Variants in FBXO31 observed in about 807,000 individuals in gnomAD.
FBXO31 encodes F-box only protein 31.
FBXO31 carries 24 observed loss-of-function variants against 54.4 expected under a neutral mutation model. That is an observed-to-expected ratio of 0.44 (90% CI 0.32 to 0.62). The LOEUF (loss-of-function observed/expected upper bound fraction) is 0.62. Among genes scored for constraint, FBXO31 ranks in the 20% least tolerant of loss-of-function variants. FBXO31 has a pLI of 0.05. For missense variants in FBXO31, 665 were observed against 787.1 expected, an observed-to-expected ratio of 0.84 and a Z score of 1.86; for synonymous variants, 388 against 335.6, an observed-to-expected ratio of 1.16 and a Z score of -1.71.
At chr16:87,356,886 T>G (rs889532526) in intron 2 of FBXO31, among the ~76,000 whole-genome samples, 3 of 152,268 alleles carry the variant, frequency 2.0e-5, no homozygotes, top group South Asian at 2.1e-4. Context: ...GGTAGGTGTT[T>G]TCAATCTCTT....
intron 3 of FBXO31, among the ~76,000 whole-genome samples, chr16:87,344,019 G>A (rs1356549572): frequency 6.6e-6 from 1 of 152,260 alleles, no homozygotes; most frequent in African/African-American, 2.4e-5. Flanking sequence ...AGAGGGAAAG[G>A]GGGTGCATCT....
rs1904842660 is a variant in FBXO31 at position 87,331,211 on chromosome 16, T to C, written c.*77A>G. 9 of 1,458,276 alleles carry C rather than the reference T, an allele frequency of 6.2e-6. No individual in the cohort carries two copies. The South Asian group carries it at 8.5e-5, about 14-fold the overall frequency. The allele number at this position is 1,458,276 out of a possible 1,614,324, so 90.3% of individuals were successfully genotyped here. ...TGGTCAAAAGGCCGGATTTCCAAAG[T>C]GCATGCTGCTTCTATTCACAGGTCA... On this transcript the variant is annotated 3_prime_UTR_variant, in exon 9 of 9. Coordinates refer to ENST00000311635, the MANE Select transcript of FBXO31 (RefSeq NM_024735.5).
chr16:87,340,077 G>A (rs1905144679), intron 5 of FBXO31, among the ~76,000 whole-genome samples: 1 of 152,202 alleles, frequency 6.6e-6, no homozygotes, highest in Non-Finnish European at 1.5e-5. Context: ...GAGGTCAGGA[G>A]TTCGAGACCA....
At chr16:87,332,153 C>A (rs1355533761) in intron 8 of FBXO31, among the ~76,000 whole-genome samples, 2 of 152,210 alleles carry the variant, frequency 1.3e-5, no homozygotes, top group Non-Finnish European at 2.9e-5. Flanking sequence ...AAGAACAGCC[C>A]CGTGGACCAG....
In FBXO31 at chr16:87,339,204, G is replaced by A. The variant is rs1158944390; in HGVS notation, c.733-2940C>T. On this transcript the variant is annotated intron_variant, in intron 5 of 8. Coordinates refer to ENST00000311635, the MANE Select transcript of FBXO31 (RefSeq NM_024735.5). Reference sequence around the variant, plus strand: ...AGCCAGCAGAGCTCAGGGCAGTACCGAATTCCTGTCCCTGATCTTTCACCT... The same window carrying A: ...AGCCAGCAGAGCTCAGGGCAGTACCAAATTCCTGTCCCTGATCTTTCACCT... Among the ~76,000 whole-genome samples the A allele has an allele frequency of 2.6e-5, 4 of 152,196 alleles. 1 individual carries two copies. The highest frequency in any genetic ancestry group is 4.1e-4 in the South Asian group (2 of 4,828).
At chr16:87,372,337 A>T (rs533969982) in intron 1 of FBXO31, among the ~76,000 whole-genome samples, 1 of 152,098 alleles carries the variant, frequency 6.6e-6, no homozygotes, top group African/African-American at 2.4e-5. Flanking sequence ...AATATAGAGA[A>T]CTGCCCTCCT....
intron 8 of FBXO31, 123 bp downstream of exon 8, chr16:87,333,763 G>T: frequency 1.4e-6 from 2 of 1,450,012 alleles, no homozygotes; most frequent in Non-Finnish European, 1.8e-6. Context: ...CTGTCCCAAA[G>T]CACCGGCTGC....
intron 2 of FBXO31, among the ~76,000 whole-genome samples, chr16:87,353,847 G>T (rs1016937228): frequency 2.0e-5 from 3 of 152,256 alleles, no homozygotes; most frequent in African/African-American, 7.2e-5. Context: ...CCTCCAGCCT[G>T]TGAGAAAGTG....
intron 1 of FBXO31, among the ~76,000 whole-genome samples, chr16:87,365,562 G>A (rs542428540): frequency 6.6e-6 from 1 of 152,216 alleles, no homozygotes; most frequent in Non-Finnish European, 1.5e-5. Context: ...CACCATCTCA[G>A]CAAGATACCC....
chr16:87,332,585 C>G (rs182950912), intron 8 of FBXO31, among the ~76,000 whole-genome samples: 2 of 152,264 alleles, frequency 1.3e-5, no homozygotes, highest in Non-Finnish European at 2.9e-5. Flanking sequence ...CCCCAGTCAC[C>G]GTTATCATAC....
At chr16:87,375,103 G>A (rs1477100117) in intron 1 of FBXO31, among the ~76,000 whole-genome samples, 1 of 152,176 alleles carries the variant, frequency 6.6e-6, no homozygotes, top group East Asian at 1.9e-4. Context: ...CGGATCACAA[G>A]GTTAGGAGAT....
At chr16:87,384,027 C>T (rs1040204811), upstream of FBXO31, 5 of 192,726 alleles carry the variant, frequency 2.6e-5, no homozygotes, top group African/African-American at 4.7e-5. Context: ...TAGACTGCCC[C>T]GTGTGAGGCT....
At position 87,330,365 on chromosome 16, in the gene FBXO31, G is replaced by A. The variant is rs1904806638; in HGVS notation, c.*923C>T. 6.6e-6 allele frequency: 1 copy of A among 152,274 alleles called. No homozygotes were observed. Among genetic ancestry groups the A allele is most frequent in the Non-Finnish European group, 1.5e-5 (1 of 68,064 alleles). 9.4% of individuals were successfully genotyped at this position (152,274 alleles called of 1,614,324 possible). On this transcript the variant is annotated 3_prime_UTR_variant, in exon 9 of 9. Transcript: ENST00000311635. Reference sequence around the variant, plus strand: ...TCGTCATCTCATATGGGCACTCCTGGCACCTGTGTGGACCACTCACTGCTT... The same window carrying A: ...TCGTCATCTCATATGGGCACTCCTGACACCTGTGTGGACCACTCACTGCTT...
intron 2 of FBXO31, among the ~76,000 whole-genome samples, chr16:87,355,987 A>G (rs1218208440): frequency 6.6e-6 from 1 of 152,152 alleles, no homozygotes; most frequent in Non-Finnish European, 1.5e-5. Context: ...GTCCCCTTGT[A>G]TTGAAAAGCC....
intron 3 of FBXO31, among the ~76,000 whole-genome samples, chr16:87,344,451 C>T (rs1905295847): frequency 6.6e-6 from 1 of 152,192 alleles, no homozygotes. Flanking sequence ...CAGCCACATG[C>T]TTATAAGGAA....
At chr16:87,363,307 T>C (rs960593764) in intron 1 of FBXO31, among the ~76,000 whole-genome samples, 7 of 152,010 alleles carry the variant, frequency 4.6e-5, no homozygotes, top group Non-Finnish European at 8.8e-5. Flanking sequence ...TCGCTTGAAC[T>C]CAGGAGGCAG....
intron 2 of FBXO31, among the ~76,000 whole-genome samples, chr16:87,350,392 A>G (rs1255364347): frequency 6.6e-6 from 1 of 152,214 alleles, no homozygotes; most frequent in East Asian, 1.9e-4. Context: ...GGCTGCTGCC[A>G]GCCATCCCAC....
intron 1 of FBXO31, among the ~76,000 whole-genome samples, chr16:87,361,003 C>T (rs138187663): frequency 0.011 from 1,711 of 152,328 alleles, 8 homozygotes; most frequent in Non-Finnish European, 0.018. Context: ...CACAGCTGCA[C>T]TTTTCACAAT....
At chr16:87,359,504 GAA>G (rs1284816829) in intron 2 of FBXO31, among the ~76,000 whole-genome samples, 1 of 152,208 alleles carries the variant, frequency 6.6e-6, no homozygotes, top group African/African-American at 2.4e-5. Context: ...CTCTTAGAGA[GAA>G]ATATGTCTTC....
Sources: allele counts gnomAD v4.1 joint callset (sites outside exome capture counted in the v4.1 genomes callset), GRCh38; gene constraint gnomAD v4.1.1; transcripts MANE v1.5; gene names NCBI Gene and HGNC (gene_info 2026-07-23, HGNC 2026-07-21).